Variants in MCF2L2 observed in about 807,000 individuals in gnomAD.
MCF2L2 encodes the protein probable guanine nucleotide exchange factor MCF2L2.
In MCF2L2, 102 loss-of-function variants were observed where a neutral mutation model predicts 150.2. The ratio of observed to expected loss-of-function variants is 0.68; its 90% CI spans 0.58 to 0.80. The LOEUF is 0.80. MCF2L2 is among the 30% of genes least tolerant of loss of function. The pLI, the probability that MCF2L2 is intolerant of heterozygous loss-of-function variation, is 0.00. For missense variants in MCF2L2, 1,256 were observed against 1,372.8 expected (o/e 0.91, Z 1.34); for synonymous variants, 465 against 491.3 (o/e 0.95, Z 0.71).
At chr3:183,357,179 A>G (rs938431684) in intron 3 of MCF2L2, among the ~76,000 whole-genome samples, 4 of 152,224 alleles carry the variant, frequency 2.6e-5, no homozygotes, top group African/African-American at 9.6e-5. Context: ...AGAACCATGC[A>G]GATAAACCAA....
chr3:183,340,444 T>C (rs1486799113), intron 4 of MCF2L2, among the ~76,000 whole-genome samples: 1 of 152,044 alleles, frequency 6.6e-6, no homozygotes, highest in East Asian at 1.9e-4. Context: ...TGTCTCTGCT[T>C]GTGGTGGAGT....
intron 21 of MCF2L2, 73 bp from the exon 22 acceptor site, chr3:183,216,167 A>G: frequency 6.5e-7 from 1 of 1,543,024 alleles, no homozygotes; most frequent in Non-Finnish European, 8.8e-7. Flanking sequence ...AACAGGACAG[A>G]GATGAGGAGC....
In MCF2L2 at chr3:183,183,917, AACAC is replaced by A. The variant is rs35802540; in HGVS notation, c.3017-3762_3017-3759del. Among the ~76,000 whole-genome samples the A allele has an allele frequency of 1.7e-4, 25 of 151,216 alleles. No individual in the cohort carries two copies. In the South Asian group the frequency reaches 5.0e-3, roughly 30 times the overall value. ...AATGGCTTTAAAAAGAAACAGAGCA[AACAC>A]ACACACACACACACCCCTCAGAAAA... On this transcript the variant is annotated intron_variant, in intron 27 of 29. Coordinates refer to ENST00000328913, the MANE Select transcript of MCF2L2 (RefSeq NM_015078.4).
chr3:183,418,962 C>T (rs1304638172), intron 1 of MCF2L2, among the ~76,000 whole-genome samples: 2 of 152,228 alleles, frequency 1.3e-5, no homozygotes, highest in Non-Finnish European at 1.5e-5. Flanking sequence ...ATTTCTCCTC[C>T]ACACTGCCCT....
At chr3:183,200,176 T>C (rs1722227115) in intron 25 of MCF2L2, among the ~76,000 whole-genome samples, 1 of 152,218 alleles carries the variant, frequency 6.6e-6, no homozygotes, top group Non-Finnish European at 1.5e-5. Context: ...ATATTTGTAG[T>C]TCTAGATCTT....
Position 183,283,610 on chromosome 3 carries a change from C to T in MCF2L2, c.1776+5510G>A, listed in dbSNP as rs916086758. On this transcript the variant is annotated intron_variant, in intron 14 of 29. Coordinates refer to ENST00000328913, the MANE Select transcript of MCF2L2 (RefSeq NM_015078.4). The surrounding 1 kb of genome is among the most constrained non-coding windows in gnomAD (Gnocchi z 4.2). Reference sequence around the variant, plus strand: ...CATCTTGGCTCACTGCACCCTCTGCCTCCCAGGTTCAAGTGATTCTCCTGC... The same window carrying T: ...CATCTTGGCTCACTGCACCCTCTGCTTCCCAGGTTCAAGTGATTCTCCTGC... Among the ~76,000 whole-genome samples the T allele has an allele frequency of 6.6e-6, 1 of 152,078 alleles. No individual in the cohort carries two copies. Among genetic ancestry groups the T allele is most frequent in the African/African-American group, 2.4e-5 (1 of 41,388 alleles).
intron 3 of MCF2L2, among the ~76,000 whole-genome samples, chr3:183,359,440 T>C (rs959144599): frequency 1.3e-5 from 2 of 152,234 alleles, no homozygotes; most frequent in African/African-American, 4.8e-5. Context: ...CTGAAAGATT[T>C]TCTTATTCTT....
chr3:183,199,059 C>T (rs2108640079), intron 25 of MCF2L2, among the ~76,000 whole-genome samples: 2 of 152,194 alleles, frequency 1.3e-5, no homozygotes, highest in Middle Eastern at 6.8e-3. Context: ...CAGTTTAAAT[C>T]AAGAACTTAT....
intron 15 of MCF2L2, among the ~76,000 whole-genome samples, chr3:183,245,525 T>A (rs764436541): frequency 6.6e-6 from 1 of 151,862 alleles, no homozygotes; most frequent in African/African-American, 2.4e-5. Context: ...AGGGGAGGTA[T>A]AGGAGATTGA....
At chr3:183,294,247 C>A (rs1728330145) in intron 13 of MCF2L2, among the ~76,000 whole-genome samples, 1 of 152,114 alleles carries the variant, frequency 6.6e-6, no homozygotes, top group Non-Finnish European at 1.5e-5. Flanking sequence ...CTCAAAGAAC[C>A]AATTTTACTA....
intron 3 of MCF2L2, among the ~76,000 whole-genome samples, chr3:183,371,465 C>CTTTT (rs56835227): frequency 2.4e-5 from 3 of 126,050 alleles, no homozygotes; most frequent in Non-Finnish European, 3.3e-5. Flanking sequence ...TCTGAGAAGC[C>CTTTT]TTTTTTTTTT....
intron 22 of MCF2L2, among the ~76,000 whole-genome samples, chr3:183,209,482 ATTATTTT>A (rs1489005735): frequency 2.0e-5 from 3 of 152,088 alleles, no homozygotes; most frequent in African/African-American, 2.4e-5. Context: ...CACGCACAAA[ATTATTTT>A]TTATTTTTTA....
chr3:183,417,115 CAAAAAAAAAA>C lies in MCF2L2; in HGVS notation c.76+10777_76+10786del, dbSNP rs74989072. On this transcript the variant is annotated intron_variant, in intron 1 of 29. Transcript: ENST00000328913. ...CTGGCAACAGAGTGAGACTCTGTCT[CAAAAAAAAAA>C]AAAAAAAAAAAAAAAAAAAATGGTA... Among the ~76,000 whole-genome samples the C allele has an allele frequency of 4.5e-4, 20 of 44,214 alleles. No homozygotes were observed. In the South Asian group the frequency reaches 6.6e-3, roughly 15 times the overall value. 29.0% of individuals were successfully genotyped at this position (44,214 alleles called of 152,430 possible).
In MCF2L2 at chr3:183,238,825, G is replaced by A. The variant is rs1349926271; in HGVS notation, c.1863-7808C>T. Among the ~76,000 whole-genome samples, 6 of 150,664 alleles carry A rather than the reference G, an allele frequency of 4.0e-5. 1 individual carries two copies. Among genetic ancestry groups the A allele is most frequent in the Admixed American group, 2.6e-4 (4 of 15,142 alleles). Reference sequence around the variant, plus strand: ...ATCCTGGCTAACACGGTGAAACCCCGTCTCTACTAAAAATACAAAAAATTA... The same window carrying A: ...ATCCTGGCTAACACGGTGAAACCCCATCTCTACTAAAAATACAAAAAATTA... On this transcript the variant is annotated intron_variant, in intron 15 of 29. Transcript: ENST00000328913.
intron 1 of MCF2L2, among the ~76,000 whole-genome samples, chr3:183,426,190 T>C (rs369903793): frequency 6.6e-6 from 1 of 152,116 alleles, no homozygotes; most frequent in Non-Finnish European, 1.5e-5. Context: ...GGGAGCAAGG[T>C]AGGCAAGAAA....
intron 3 of MCF2L2, among the ~76,000 whole-genome samples, chr3:183,350,222 C>A (rs1402441513): frequency 6.6e-6 from 1 of 152,200 alleles, no homozygotes; most frequent in Non-Finnish European, 1.5e-5. Context: ...CAGAAAGAGA[C>A]AAGGAATCAC....
At chr3:183,266,868 C>A (rs1292875393) in intron 15 of MCF2L2, among the ~76,000 whole-genome samples, 1 of 151,420 alleles carries the variant, frequency 6.6e-6, no homozygotes, top group East Asian at 1.9e-4. Flanking sequence ...CTCATTGCAA[C>A]CTCCACCTTC....
intron 1 of MCF2L2, among the ~76,000 whole-genome samples, chr3:183,408,955 T>C (rs556865643): frequency 2.0e-4 from 31 of 152,348 alleles, no homozygotes; most frequent in African/African-American, 5.8e-4. Context: ...GCCATGATAA[T>C]GGGAGGTTAT....
intron 7 of MCF2L2, among the ~76,000 whole-genome samples, chr3:183,317,098 C>A (rs1385308913): frequency 1.3e-5 from 2 of 152,180 alleles, no homozygotes; most frequent in African/African-American, 4.8e-5. Context: ...TTACTAGACT[C>A]TGAGACTCTC....
Sources: gnomAD v4.1 joint callset for allele counts (sites outside exome capture counted in the v4.1 genomes callset) on GRCh38, gnomAD v4.1.1 for gene constraint, Gnocchi (gnomAD v3.1) non-coding constraint, MANE v1.5 for transcripts, NCBI Gene and HGNC (gene_info 2026-07-23, HGNC 2026-07-21) for gene names.